SIPA1L1: variants seen among roughly 807,000 people sequenced by gnomAD.
SIPA1L1 encodes signal induced proliferation associated 1 like 1, also known as signal-induced proliferation-associated 1-like protein 1.
In SIPA1L1, 26 loss-of-function variants were observed where a neutral mutation model predicts 162.7. That is an observed-to-expected ratio of 0.16 (90% CI 0.12 to 0.22). The LOEUF (loss-of-function observed/expected upper bound fraction) is 0.22. Ranked by LOEUF, SIPA1L1 falls within the 10% of genes least tolerant of loss-of-function variation. The pLI is 1.00. For synonymous variants in SIPA1L1, 829 were observed against 837.4 expected, an observed-to-expected ratio of 0.99 and a Z score of 0.17; for missense variants, 1,874 against 2,241.0, an observed-to-expected ratio of 0.84 and a Z score of 3.31.
At chr14:71,576,100 A>C (rs2032980773) in intron 4 of SIPA1L1, among the ~76,000 whole-genome samples, 2 of 152,248 alleles carry the variant, frequency 1.3e-5, no homozygotes, top group African/African-American at 4.8e-5. Flanking sequence ...AGGTGCTTTC[A>C]GGATAAGGAT....
At chr14:71,444,148 TCA>T (rs2141296356) in intron 2 of SIPA1L1, among the ~76,000 whole-genome samples, 1 of 152,312 alleles carries the variant, frequency 6.6e-6, no homozygotes, top group African/African-American at 2.4e-5. Context: ...TGTCTTATGT[TCA>T]GTTACCCTGA....
chr14:71,436,328 A>G (rs565092451), intron 2 of SIPA1L1, among the ~76,000 whole-genome samples: 1 of 152,242 alleles, frequency 6.6e-6, no homozygotes, highest in Non-Finnish European at 1.5e-5. Context: ...TTGGAATTTT[A>G]TGTCTTACTT....
intron 2 of SIPA1L1, among the ~76,000 whole-genome samples, chr14:71,509,276 A>T (rs1003652128): frequency 2.0e-5 from 3 of 152,164 alleles, no homozygotes; most frequent in African/African-American, 7.2e-5. Flanking sequence ...TTGAGATAGG[A>T]TGGAAAAAAG....
chr14:71,671,032 A>G lies in SIPA1L1; in HGVS notation c.2256-87A>G, dbSNP rs989487342. The G allele has an allele frequency of 6.5e-6, 7 of 1,077,054 alleles. No individual in the cohort carries two copies. In the African/African-American group the frequency reaches 1.1e-4, roughly 17 times the overall value. 66.7% of individuals were successfully genotyped at this position (1,077,054 alleles called of 1,614,324 possible). The stretch of plus-strand genomic sequence containing the variant: ...AGCAGCTATTTTGTATCTGAGGTAC[A>G]TCTTTGTCTTTGAGAAAGTATATTT... On this transcript the variant is annotated intron_variant, in intron 10 of 23. Transcript: ENST00000381232.
chr14:71,733,928 A>T (rs886298685), intron 21 of SIPA1L1, 116 bp downstream of exon 21: 3 of 1,130,976 alleles, frequency 2.7e-6, no homozygotes, highest in South Asian at 1.6e-5. Flanking sequence ...CAGATGAGCT[A>T]TCAGTTACTG....
chr14:71,408,663 G>A (rs2042195315), intron 2 of SIPA1L1, among the ~76,000 whole-genome samples: 1 of 151,982 alleles, frequency 6.6e-6, no homozygotes, highest in African/African-American at 2.4e-5. Context: ...TTTCCCCCCT[G>A]GTTTTGGAAC....
intron 15 of SIPA1L1, chr14:71,704,743 G>A (rs770922782): frequency 1.9e-6 from 3 of 1,613,150 alleles, no homozygotes; most frequent in African/African-American, 1.3e-5. Flanking sequence ...GAGGACCTCA[G>A]GATTTCAATT....
At position 71,657,621 on chromosome 14, in the gene SIPA1L1, C is replaced by T. The variant is rs542829116; in HGVS notation, c.1994-712C>T. Reference sequence around the variant, plus strand: ...CTTAAGTCTTAAAAAAATTGTTAGACGTTGCTGTGTCAACTTTGTTCTTCA... The same window carrying T: ...CTTAAGTCTTAAAAAAATTGTTAGATGTTGCTGTGTCAACTTTGTTCTTCA... On this transcript the variant is annotated intron_variant, in intron 8 of 23. Coordinates refer to ENST00000381232, the MANE Select transcript of SIPA1L1 (RefSeq NM_001386936.1). 4.1e-3 allele frequency among the ~76,000 whole-genome samples: 617 copies of T among 150,624 alleles called. 10 individuals carry two copies. The highest frequency in any genetic ancestry group is 5.0e-3 in the Non-Finnish European group (338 of 67,796).
rs781665925 is a variant in SIPA1L1, at chr14:71,589,269, C to T, written c.1397C>T (p.Pro466Leu). The part of the protein sequence containing the change: ...TNAGVAVLEV[P>L]KENLVLHLDR... ...GCAGGAGTGGCAGTACTTGAAGTGC[C>T]CAAGGAGAACTTGGTGTTGCACCTA... The change falls in exon 5 of 24, where the codon CCC becomes CTC. Residue 466 changes from proline to leucine, a missense_variant. This residue lies in a region of SIPA1L1 where 685 missense variants were observed against 828.0 expected (regional missense o/e 0.83). Coordinates refer to ENST00000381232, the MANE Select transcript of SIPA1L1 (RefSeq NM_001386936.1). 1 of 1,613,792 alleles carries T rather than the reference C, an allele frequency of 6.2e-7. No individual in the cohort carries two copies. The highest frequency in any genetic ancestry group is 1.3e-5 in the African/African-American group (1 of 74,862).
At chr14:71,351,122 G>A (rs1430097774) in intron 2 of SIPA1L1, among the ~76,000 whole-genome samples, 2 of 152,180 alleles carry the variant, frequency 1.3e-5, no homozygotes, top group Admixed American at 1.3e-4. Flanking sequence ...AGGTGAAATT[G>A]GTTGTAGGGG....
chr14:71,451,057 A>T (rs1030173833), intron 2 of SIPA1L1, among the ~76,000 whole-genome samples: 1 of 152,184 alleles, frequency 6.6e-6, no homozygotes, highest in Non-Finnish European at 1.5e-5. Context: ...TACACAATGG[A>T]ATACTGTATA....
chr14:71,544,041 ACACG>A lies in SIPA1L1; in HGVS notation c.-303+14679_-303+14682del, dbSNP rs751616866. Among the ~76,000 whole-genome samples the A allele has an allele frequency of 5.1e-4, 76 of 148,414 alleles. 1 individual carries two copies. Among genetic ancestry groups the A allele is most frequent in the Admixed American group, 1.2e-3 (17 of 13,622 alleles). On this transcript the variant is annotated intron_variant, in intron 4 of 23. Transcript: ENST00000381232. ...CACATACGCACATGTATGTATATAC[ACACG>A]CACGCACATGTATGTATATACACAC...
At chr14:71,570,612 G>T (rs887570496) in intron 4 of SIPA1L1, among the ~76,000 whole-genome samples, 34 of 152,198 alleles carry the variant, frequency 2.2e-4, no homozygotes, top group African/African-American at 7.7e-4. Context: ...AGGATAGCCA[G>T]TTATAGCAGA....
At chr14:71,539,434 A>G (rs764413217) in intron 4 of SIPA1L1, among the ~76,000 whole-genome samples, 6 of 152,196 alleles carry the variant, frequency 3.9e-5, no homozygotes, top group Non-Finnish European at 8.8e-5. Flanking sequence ...ATGGAAAACT[A>G]TTTGCACATT....
intron 12 of SIPA1L1, among the ~76,000 whole-genome samples, chr14:71,680,400 C>A (rs2045684996): frequency 6.6e-6 from 1 of 152,132 alleles, no homozygotes; most frequent in Non-Finnish European, 1.5e-5. Flanking sequence ...CACAACATAC[C>A]AGAATCTCTG....
chr14:71,494,294 G>T (rs1242594833), intron 2 of SIPA1L1, among the ~76,000 whole-genome samples: 1 of 151,770 alleles, frequency 6.6e-6, no homozygotes, highest in African/African-American at 2.4e-5. Flanking sequence ...GTTTACTAAG[G>T]CTTTTTTTCT....
chr14:71,426,190 T>A (rs2043545246), intron 2 of SIPA1L1, among the ~76,000 whole-genome samples: 1 of 152,152 alleles, frequency 6.6e-6, no homozygotes, highest in African/African-American at 2.4e-5. Flanking sequence ...TTTTATCTGT[T>A]CTACCATTCT....
chr14:71,505,934 A>G (rs2050624665), intron 2 of SIPA1L1, among the ~76,000 whole-genome samples: 1 of 151,662 alleles, frequency 6.6e-6, no homozygotes, highest in Non-Finnish European at 1.5e-5. Context: ...CATCCTTAAG[A>G]TATCTCATTA....
Position 71,589,097 on chromosome 14 carries a change from G to A in SIPA1L1, c.1225G>A (p.Glu409Lys). Residue 409 changes from glutamate (E) to lysine (K), a missense_variant, in exon 5 of 24, where the codon GAG becomes AAG. Physicochemically the swap from Glu to Lys is moderately conservative, Grantham distance 56 (BLOSUM62 1). Coordinates refer to ENST00000381232, the MANE Select transcript of SIPA1L1 (RefSeq NM_001386936.1). ...SMDQGDDKSN[E>K]LVMSCPYFRN... ...GGACCAGGGAGATGATAAAAGCAATGAGCTTGTAATGAGCTGTCCATATTT... is the reference window on the plus strand; with the variant it reads ...GGACCAGGGAGATGATAAAAGCAATAAGCTTGTAATGAGCTGTCCATATTT... The A allele has an allele frequency of 2.5e-6, 4 of 1,614,138 alleles. No homozygotes were observed. Among genetic ancestry groups the A allele is most frequent in the Non-Finnish European group, 3.4e-6 (4 of 1,179,984 alleles).
Sources: gnomAD v4.1 joint callset for allele counts (sites outside exome capture counted in the v4.1 genomes callset) on GRCh38, gnomAD v4.1.1 for gene constraint, gnomAD v4.1.1 regional missense constraint, MANE v1.5 for transcripts, NCBI Gene and HGNC (gene_info 2026-07-23, HGNC 2026-07-21) for gene names.